TDP1: variants seen among roughly 807,000 people sequenced by gnomAD.
The protein encoded by TDP1 is tyrosyl-DNA phosphodiesterase 1.
A neutral mutation model predicts 81.5 loss-of-function variants in TDP1; 64 were observed. That is an observed-to-expected ratio of 0.79 (90% CI 0.64 to 0.97). The LOEUF is 0.97. TDP1 is among the 50% of genes least tolerant of loss of function. The pLI, the probability that TDP1 is intolerant of heterozygous loss-of-function variation, is 0.00. For missense variants in TDP1, 723 were observed against 743.8 expected (o/e 0.97, Z 0.33); for synonymous variants, 256 against 264.3 (o/e 0.97, Z 0.30).
intron 2 of TDP1, among the ~76,000 whole-genome samples, chr14:89,961,138 C>T (rs766674511): frequency 2.0e-5 from 3 of 152,144 alleles, no homozygotes; most frequent in South Asian, 2.1e-4. Context: ...AATGAGCAAA[C>T]GTGTGTTTTG....
At chr14:89,983,267 A>G (rs1895194947) in intron 8 of TDP1, 1 of 392,304 alleles carries the variant, frequency 2.5e-6, no homozygotes, top group Non-Finnish European at 5.0e-6. Context: ...CACAGAGCTT[A>G]CCCAAAATGG....
chr14:89,972,874 T>C (rs1310578659), intron 6 of TDP1, among the ~76,000 whole-genome samples: 1 of 152,238 alleles, frequency 6.6e-6, no homozygotes. Flanking sequence ...AGATTTCTGC[T>C]CTGCAAGTAC....
At chr14:89,998,358 C>A (rs1896814929) in intron 14 of TDP1, among the ~76,000 whole-genome samples, 1 of 127,482 alleles carries the variant, frequency 7.8e-6, no homozygotes, top group Non-Finnish European at 1.6e-5. Context: ...GTTCCAGGCA[C>A]AGTTCCAAGC....
intron 10 of TDP1, chr14:89,986,920 AG>A (rs1195578912): frequency 1.3e-5 from 2 of 152,246 alleles, no homozygotes; most frequent in African/African-American, 4.8e-5. Context: ...CCAGCCCTCT[AG>A]GTAGGCATTC....
intron 6 of TDP1, among the ~76,000 whole-genome samples, chr14:89,974,409 A>G (rs1373036669): frequency 6.6e-6 from 1 of 152,194 alleles, no homozygotes; most frequent in African/African-American, 2.4e-5. Flanking sequence ...GTAATTTTGA[A>G]AACATGAAAT....
intron 14 of TDP1, among the ~76,000 whole-genome samples, chr14:89,998,456 ATATATG>A (rs1896913865): frequency 7.3e-6 from 1 of 137,726 alleles, no homozygotes; most frequent in Admixed American, 7.2e-5. Flanking sequence ...GTATATGTAT[ATATATG>A]TATATATTAA....
intron 15 of TDP1, among the ~76,000 whole-genome samples, chr14:90,021,575 C>T (rs1886095259): frequency 6.6e-6 from 1 of 152,184 alleles, no homozygotes; most frequent in Admixed American, 6.5e-5. Context: ...TTTTTTACCC[C>T]AGATATTCTT....
chr14:90,041,693 C>T (rs1010814513), intron 16 of TDP1, among the ~76,000 whole-genome samples: 2 of 152,108 alleles, frequency 1.3e-5, no homozygotes, highest in Non-Finnish European at 2.9e-5. Flanking sequence ...GCATTCTAGC[C>T]CCTTGAAGTT....
intron 12 of TDP1, among the ~76,000 whole-genome samples, chr14:89,990,110 T>C (rs1408262362): frequency 6.6e-6 from 1 of 152,222 alleles, no homozygotes; most frequent in African/African-American, 2.4e-5. Flanking sequence ...CATCTCTGCA[T>C]ATCCTCCCTT....
At chr14:90,024,934 T>A (rs975394711) in intron 15 of TDP1, among the ~76,000 whole-genome samples, 3 of 152,210 alleles carry the variant, frequency 2.0e-5, no homozygotes, top group African/African-American at 7.2e-5. Flanking sequence ...TTAGACATCC[T>A]TCAGACTGGA....
rs141101955 is a variant in TDP1, at chr14:90,014,351, A to G, written c.1542-4965A>G. On this transcript the variant is annotated intron_variant, in intron 14 of 16. Transcript: ENST00000335725. ...ATAAAACAGAGCCTAAGAGTAATAC[A>G]AGAAAACCTACAGAGAATGCAAAAT... 1.8e-3 allele frequency among the ~76,000 whole-genome samples: 276 copies of G among 152,340 alleles called. 1 individual carries two copies. The highest frequency in any genetic ancestry group is 6.0e-3 in the African/African-American group (248 of 41,572).
chr14:89,970,752 C>T (rs942725199), intron 5 of TDP1: 4 of 929,236 alleles, frequency 4.3e-6, no homozygotes, highest in African/African-American at 1.8e-5. Flanking sequence ...CTACAAAGGC[C>T]GGAAACATAT....
At chr14:90,001,059 C>G (rs979398472) in intron 14 of TDP1, among the ~76,000 whole-genome samples, 2 of 152,110 alleles carry the variant, frequency 1.3e-5, no homozygotes, top group African/African-American at 4.8e-5. Flanking sequence ...TCGTATGGTT[C>G]CTATTGGGTC....
Position 89,971,167 on chromosome 14 carries a change from C to T in TDP1, c.660-8C>T, listed in dbSNP as rs773288232. On this transcript the variant is annotated splice_polypyrimidine_tract_variant and splice_region_variant and intron_variant, in intron 5 of 16. Transcript: ENST00000335725. Reference sequence around the variant, plus strand: ...GATGTATATTAAATACTAATGCTCTCTTTTTAGGAAGAAGCCAATCCTGCT... The same window carrying T: ...GATGTATATTAAATACTAATGCTCTTTTTTTAGGAAGAAGCCAATCCTGCT... 6.2e-7 allele frequency: 1 copy of T among 1,612,486 alleles called. No homozygotes were observed. Among genetic ancestry groups the T allele is most frequent in the Admixed American group, 1.7e-5 (1 of 60,008 alleles).
intron 14 of TDP1, among the ~76,000 whole-genome samples, chr14:90,001,939 C>G (rs1415994321): frequency 6.6e-6 from 1 of 152,136 alleles, no homozygotes; most frequent in African/African-American, 2.4e-5. Context: ...TTCCCTGTGT[C>G]ATGAGCTTCA....
upstream of TDP1, chr14:89,954,985 G>T (rs1453954333): frequency 9.4e-6 from 4 of 427,484 alleles, no homozygotes; most frequent in South Asian, 3.4e-5. Flanking sequence ...TCTAGGTGCT[G>T]GTTCAATGCC....
chr14:90,035,517 C>A (rs1887729688), intron 16 of TDP1, among the ~76,000 whole-genome samples: 1 of 151,592 alleles, frequency 6.6e-6, no homozygotes, highest in Non-Finnish European at 1.5e-5. Context: ...TGTTTCTGTG[C>A]CAACTCCACA....
At chr14:90,034,280 T>A (rs1222933901) in intron 16 of TDP1, among the ~76,000 whole-genome samples, 2 of 152,184 alleles carry the variant, frequency 1.3e-5, no homozygotes, top group Non-Finnish European at 2.9e-5. Flanking sequence ...AAATGATGGC[T>A]TAATACTACA....
chr14:89,955,775 G>C (rs1891486385), upstream of TDP1: 1 of 152,292 alleles, frequency 6.6e-6, no homozygotes. Flanking sequence ...CCAAGAGCTA[G>C]GAGAGACCAG....
Sources: gnomAD v4.1 joint callset for allele counts (sites outside exome capture counted in the v4.1 genomes callset) on GRCh38, gnomAD v4.1.1 for gene constraint, MANE v1.5 for transcripts, NCBI Gene and HGNC (gene_info 2026-07-23, HGNC 2026-07-21) for gene names.